Variants in CDH7 observed in about 807,000 individuals in gnomAD.
CDH7 encodes cadherin 7.
Under a neutral mutation model 71.8 loss-of-function variants are expected in CDH7, and 25 were observed. The observed-to-expected ratio is 0.35, with a 90% CI of 0.25 to 0.49. The LOEUF (loss-of-function observed/expected upper bound fraction) is 0.49, where lower values mean the gene tolerates loss of function less well. Ranked by LOEUF, CDH7 falls within the 20% of genes least tolerant of loss-of-function variation. The pLI is 0.99. For synonymous variants in CDH7, 381 were observed against 363.8 expected (o/e 1.05, Z -0.54); for missense variants, 862 against 974.6 (o/e 0.88, Z 1.54).
In CDH7 at chr18:65,885,372, G is replaced by GTTTTTTTTTTTTTTTTTTTTTTTT. The variant is rs566210376; in HGVS notation, c.*4501_*4502insTTTTTTTTTTTTTTTTTTTTTTTT. Reference sequence around the variant, plus strand: ...GTAACTGAAAAGGATGTGTGCCTGTGTTTTTTTTTTTTTTTTTTTTTTTGA... The same window carrying GTTTTTTTTTTTTTTTTTTTTTTTT: ...GTAACTGAAAAGGATGTGTGCCTGTGTTTTTTTTTTTTTTTTTTTTTTTTTTTTTTTTTTTTTTTTTTTTTTTGA... On this transcript the variant is annotated 3_prime_UTR_variant, in exon 12 of 12. Coordinates refer to ENST00000397968, the MANE Select transcript of CDH7 (RefSeq NM_004361.5). 6.8e-4 allele frequency: 47 copies of GTTTTTTTTTTTTTTTTTTTTTTTT among 69,438 alleles called. 16 individuals are homozygous for GTTTTTTTTTTTTTTTTTTTTTTTT. The highest frequency in any genetic ancestry group is 8.8e-4 in the Non-Finnish European group (33 of 37,384). 4.3% of individuals were successfully genotyped at this position (69,438 alleles called of 1,614,324 possible). A position where few individuals can be genotyped will look rare whatever the true frequency, so the allele number is the denominator to read the frequency against.
At chr18:65,830,800 T>C (rs116549984) in intron 6 of CDH7, among the ~76,000 whole-genome samples, 1 of 149,856 alleles carries the variant, frequency 6.7e-6, no homozygotes, top group African/African-American at 2.5e-5. Flanking sequence ...GAGGTCATTT[T>C]AAGTTTTTTT....
chr18:65,835,242 A>G (rs1247410714), intron 6 of CDH7, among the ~76,000 whole-genome samples: 1 of 152,180 alleles, frequency 6.6e-6, no homozygotes, highest in Non-Finnish European at 1.5e-5. Context: ...TGACCCAAGC[A>G]AGACACAGGA....
intron 4 of CDH7, among the ~76,000 whole-genome samples, chr18:65,818,058 T>C (rs1242611377): frequency 1.3e-5 from 2 of 152,070 alleles, no homozygotes; most frequent in African/African-American, 4.8e-5. Context: ...TCTACAAATA[T>C]GTAACTCAAG....
chr18:65,801,460 A>G lies in CDH7; in HGVS notation c.211-8244A>G, dbSNP rs145269170. On this transcript the variant is annotated intron_variant, in intron 2 of 11. Coordinates refer to ENST00000397968, the MANE Select transcript of CDH7 (RefSeq NM_004361.5). ...AGGATGAACTAGACAAATACTAAAC[A>G]CCCAAGAGAGAATCATTGAGACCAA... Among the ~76,000 whole-genome samples, 126 of 152,300 alleles carry G rather than the reference A, an allele frequency of 8.3e-4. 1 individual carries two copies. Among genetic ancestry groups the G allele is most frequent in the African/African-American group, 2.7e-3 (113 of 41,570 alleles).
intron 2 of CDH7, among the ~76,000 whole-genome samples, chr18:65,808,863 G>A (rs1994230): frequency 0.11 from 16,480 of 152,038 alleles, 1,376 homozygotes; most frequent in African/African-American, 0.23. Context: ...ATTGAGTAGC[G>A]CGTTTGTCAG....
rs113531193 is a variant in CDH7, at chr18:65,782,068, T to C, written c.210+19016T>C. ...TTCCTTCCTTCCTTCCTTCCTTTCTTTCTTTCTTTCTTTCCTTCCTTCCTT... is the reference window on the plus strand; with the variant it reads ...TTCCTTCCTTCCTTCCTTCCTTTCTCTCTTTCTTTCTTTCCTTCCTTCCTT... On this transcript the variant is annotated intron_variant, in intron 2 of 11. Transcript: ENST00000397968. 7.5e-3 allele frequency among the ~76,000 whole-genome samples: 435 copies of C among 57,746 alleles called. 62 individuals are homozygous for C. The highest frequency in any genetic ancestry group is 0.014 in the African/African-American group (86 of 6,316). The allele number at this position is 57,746 out of a possible 152,430, so 37.9% of individuals were successfully genotyped here.
At chr18:65,781,856 T>A (rs865987343) in intron 2 of CDH7, among the ~76,000 whole-genome samples, 27 of 79,158 alleles carry the variant, frequency 3.4e-4, no homozygotes, top group African/African-American at 1.1e-3. Flanking sequence ...CTTTCTTTCT[T>A]TCTTTCTTTC....
intron 7 of CDH7, among the ~76,000 whole-genome samples, chr18:65,850,316 T>TC (rs1443368652): frequency 6.6e-6 from 1 of 151,368 alleles, no homozygotes; most frequent in African/African-American, 2.4e-5. Context: ...TCATGTACTA[T>TC]CCTCTTAACA....
intron 6 of CDH7, among the ~76,000 whole-genome samples, chr18:65,841,010 T>C (rs1310108347): frequency 6.6e-6 from 1 of 152,160 alleles, no homozygotes; most frequent in Non-Finnish European, 1.5e-5. Context: ...TGTAAAAATT[T>C]AATTTTTTTA....
chr18:65,772,357 AT>A (rs1311920991), intron 2 of CDH7, among the ~76,000 whole-genome samples: 1 of 152,194 alleles, frequency 6.6e-6, no homozygotes, highest in African/African-American at 2.4e-5. Flanking sequence ...TTCCCATAAA[AT>A]ATCTGAGAAA....
At chr18:65,784,865 G>A (rs983431486) in intron 2 of CDH7, among the ~76,000 whole-genome samples, 9 of 152,042 alleles carry the variant, frequency 5.9e-5, no homozygotes, top group Non-Finnish European at 8.8e-5. Flanking sequence ...ATTCTTTTCT[G>A]TGTCTCCACA....
chr18:65,770,211 TA>T (rs780971416), intron 2 of CDH7, among the ~76,000 whole-genome samples: 1 of 152,166 alleles, frequency 6.6e-6, no homozygotes, highest in African/African-American at 2.4e-5. Flanking sequence ...TGATTTTGCT[TA>T]TTATTTTTTT....
intron 3 of CDH7, among the ~76,000 whole-genome samples, chr18:65,810,602 G>T (rs1911498931): frequency 6.6e-6 from 1 of 151,870 alleles, no homozygotes; most frequent in South Asian, 2.1e-4. Flanking sequence ...GTGCAGGTTA[G>T]ATAGGTAAAT....
At chr18:65,772,009 G>C (rs528572269) in intron 2 of CDH7, among the ~76,000 whole-genome samples, 1 of 152,144 alleles carries the variant, frequency 6.6e-6, no homozygotes, top group Admixed American at 6.5e-5. Flanking sequence ...AGCAAGTTGT[G>C]TGTGTAAACA....
chr18:65,874,714 T>C lies in CDH7; in HGVS notation c.1865-5687T>C, dbSNP rs540587319. On this transcript the variant is annotated intron_variant, in intron 11 of 11. Transcript: ENST00000397968. ...TATGCATATTTTATATGTATATACT[T>C]ATATATGCATATATAAATGTATATA... Among the ~76,000 whole-genome samples, 5 of 151,684 alleles carry C rather than the reference T, an allele frequency of 3.3e-5. No homozygotes were observed. In the East Asian group the frequency reaches 9.7e-4, roughly 29 times the overall value.
rs1172255644 is a variant in CDH7, at chr18:65,882,366, A to T, written c.*1472A>T. ...TGCATATACATTCAAGTAAGAATGG[A>T]TTTATTTTTTCCTTCCTTTCTCCTT... On this transcript the variant is annotated 3_prime_UTR_variant, in exon 12 of 12. Coordinates refer to ENST00000397968, the MANE Select transcript of CDH7 (RefSeq NM_004361.5). The T allele has an allele frequency of 2.0e-5, 3 of 152,118 alleles. No individual in the cohort carries two copies. The highest frequency in any genetic ancestry group is 4.4e-5 in the Non-Finnish European group (3 of 67,986). The allele number at this position is 152,118 out of a possible 1,614,324, so 9.4% of individuals were successfully genotyped here. A position where few individuals can be genotyped will look rare whatever the true frequency, so the allele number is the denominator to read the frequency against.
intron 4 of CDH7, among the ~76,000 whole-genome samples, chr18:65,821,794 T>A (rs943408397): frequency 3.3e-5 from 5 of 152,178 alleles, no homozygotes; most frequent in Non-Finnish European, 5.9e-5. Flanking sequence ...AAGGCCATTT[T>A]ATTTATTTAT....
chr18:65,863,154 C>T lies in CDH7; in HGVS notation c.1864+237C>T, dbSNP rs1913639666. ...CCAGGTTCAAGCAATTCTCCCACCT[C>T]AGCCTCCCGAGTAGCTGGGATTACA... On this transcript the variant is annotated intron_variant, in intron 11 of 11. Coordinates refer to ENST00000397968, the MANE Select transcript of CDH7 (RefSeq NM_004361.5). The T allele has an allele frequency of 1.1e-5, 6 of 554,962 alleles. No homozygotes were observed. The Admixed American group carries it at 1.6e-4, about 15-fold the overall frequency. 34.4% of individuals were successfully genotyped at this position (554,962 alleles called of 1,614,324 possible). A position where few individuals can be genotyped will look rare whatever the true frequency, so the allele number is the denominator to read the frequency against.
intron 5 of CDH7, among the ~76,000 whole-genome samples, chr18:65,824,403 G>A (rs1423018304): frequency 6.6e-6 from 1 of 151,626 alleles, no homozygotes; most frequent in Non-Finnish European, 1.5e-5. Flanking sequence ...AGGAATTAGA[G>A]ATTCTTCTCT....
Sources: allele counts gnomAD v4.1 joint callset (sites outside exome capture counted in the v4.1 genomes callset), GRCh38; gene constraint gnomAD v4.1.1; transcripts MANE v1.5; gene names NCBI Gene and HGNC (gene_info 2026-07-23, HGNC 2026-07-21).